Variants in EHD4 observed in about 807,000 individuals in gnomAD.
The protein encoded by EHD4 is EH domain containing 4, also known as EH domain-containing protein 4.
A neutral mutation model predicts 51.0 loss-of-function variants in EHD4; 37 were observed. The observed-to-expected ratio is 0.73, with a 90% CI of 0.56 to 0.95. EHD4 has a LOEUF of 0.95. Ranked by LOEUF, EHD4 falls within the 40% of genes least tolerant of loss-of-function variation. The pLI is 0.00. For missense variants in EHD4, 632 were observed against 733.1 expected (o/e 0.86, Z 1.59); for synonymous variants, 297 against 317.3 (o/e 0.94, Z 0.68).
intron 5 of EHD4, among the ~76,000 whole-genome samples, chr15:41,903,607 C>T (rs79095875): frequency 1.3e-4 from 20 of 152,182 alleles, no homozygotes; most frequent in African/African-American, 4.6e-4. Flanking sequence ...TAGAGCTGGG[C>T]CATTCTTAAT....
intron 1 of EHD4, among the ~76,000 whole-genome samples, chr15:41,961,711 T>C (rs930465056): frequency 1.4e-4 from 21 of 152,232 alleles, no homozygotes; most frequent in African/African-American, 4.1e-4. Flanking sequence ...AATTTCTTAA[T>C]GCAATTAATT....
chr15:41,914,439 G>GTGAGAGGCAGAGAAGGGCAGCTGACT, intron 4 of EHD4, among the ~76,000 whole-genome samples: 1 of 152,038 alleles, frequency 6.6e-6, no homozygotes, highest in Admixed American at 6.5e-5. Context: ...GTGTGAGACT[G>GTGAGAGGCAGAGAAGGGCAGCTGACT]TGAGAGGCAG....
intron 1 of EHD4, among the ~76,000 whole-genome samples, chr15:41,971,025 TACTTTCTTCAC>T (rs1258255197): frequency 6.6e-6 from 1 of 152,228 alleles, no homozygotes; most frequent in African/African-American, 2.4e-5. Flanking sequence ...ATTTTGAAAT[TACTTTCTTCAC>T]ACTCAATTTA....
rs748481753 is a variant in EHD4, at chr15:41,953,778, G to A, written c.399C>T (p.Asn133=). The A allele has an allele frequency of 1.2e-5, 20 of 1,607,470 alleles. No individual in the cohort carries two copies. Among genetic ancestry groups the A allele is most frequent in the Middle Eastern group, 1.6e-4 (1 of 6,068 alleles). The part of the protein sequence containing the change: ...KPFRKLSRFG[N]AFLNRFMCSQ... Reference sequence around the variant, plus strand: ...CTGGTCCTTACCGATTCAGGAAAGCGTTTCCAAAGCGACTGAGCTTTCTAA... The same window carrying A: ...CTGGTCCTTACCGATTCAGGAAAGCATTTCCAAAGCGACTGAGCTTTCTAA... The change falls in exon 2 of 6, where the codon AAC becomes AAT. Residue 133 remains asparagine, a synonymous_variant. Coordinates refer to ENST00000220325, the MANE Select transcript of EHD4 (RefSeq NM_139265.4).
intron 1 of EHD4, among the ~76,000 whole-genome samples, chr15:41,969,336 C>A (rs557040521): frequency 6.6e-6 from 1 of 152,172 alleles, no homozygotes; most frequent in Non-Finnish European, 1.5e-5. Flanking sequence ...CACCTGAGGT[C>A]GGGAGTTTGA....
At chr15:41,958,630 C>T (rs1037721701) in intron 1 of EHD4, among the ~76,000 whole-genome samples, 5 of 152,074 alleles carry the variant, frequency 3.3e-5, no homozygotes, top group Non-Finnish European at 7.4e-5. Flanking sequence ...TGTCCAAGCA[C>T]CATCTTCTCA....
intron 2 of EHD4, among the ~76,000 whole-genome samples, chr15:41,948,788 G>A (rs1285949645): frequency 6.6e-6 from 1 of 152,034 alleles, no homozygotes; most frequent in Non-Finnish European, 1.5e-5. Flanking sequence ...CAGCACTCTG[G>A]GAGGCCAAGG....
At position 41,953,909 on chromosome 15, in the gene EHD4, T is replaced by C; in HGVS notation, c.268A>G (p.Arg90Gly). ...YLLEQDFPGM[R>G]IGPEPTTDSF... is the part of the protein sequence containing the mutation. ...TCTGTGGTGGGCTCCGGACCAATCC[T>C]CATGCCTGGGAAATCCTGCTCCAGT... Residue 90 changes from arginine (R) to glycine (G), a missense_variant, in exon 2 of 6, where the codon AGG (arginine) becomes GGG (glycine). By Grantham distance (125) the Arg-to-Gly change is moderately radical (BLOSUM62 -2). Coordinates refer to ENST00000220325, the MANE Select transcript of EHD4 (RefSeq NM_139265.4). 1 of 1,612,944 alleles carries C rather than the reference T, an allele frequency of 6.2e-7. No homozygotes were observed. The highest frequency in any genetic ancestry group is 8.5e-7 in the Non-Finnish European group (1 of 1,179,680).
At chr15:41,939,959 T>C (rs952201141) in intron 3 of EHD4, among the ~76,000 whole-genome samples, 3 of 152,058 alleles carry the variant, frequency 2.0e-5, no homozygotes, top group South Asian at 2.1e-4. Flanking sequence ...TTAGATGACG[T>C]TTACTCCCCT....
At chr15:41,963,101 CCTT>C (rs1416714620) in intron 1 of EHD4, among the ~76,000 whole-genome samples, 1 of 152,116 alleles carries the variant, frequency 6.6e-6, no homozygotes, top group Non-Finnish European at 1.5e-5. Flanking sequence ...GCAGCATACT[CCTT>C]AAGAGTCATC....
rs533151785 is a variant in EHD4 at position 41,909,921 on chromosome 15, C to T, written c.925-58G>A. ...ATTTAGAATTGCATCAGAGAAGGAACAAACAAGATTGCATCTTAACTCCAT... is the reference window on the plus strand; with the variant it reads ...ATTTAGAATTGCATCAGAGAAGGAATAAACAAGATTGCATCTTAACTCCAT... On this transcript the variant is annotated intron_variant, in intron 4 of 5. Transcript: ENST00000220325. 34 of 1,599,016 alleles carry T rather than the reference C, an allele frequency of 2.1e-5. No individual in the cohort carries two copies. In the South Asian group the frequency reaches 3.0e-4, roughly 14 times the overall value.
intron 1 of EHD4, among the ~76,000 whole-genome samples, chr15:41,958,117 AACAAGAGG>A (rs2067899469): frequency 6.9e-6 from 1 of 144,230 alleles, no homozygotes; most frequent in Non-Finnish European, 1.6e-5. Flanking sequence ...AATTCAAAGG[AACAAGAGG>A]ACACAGGAAG....
At chr15:41,951,176 T>C (rs931940248) in intron 2 of EHD4, among the ~76,000 whole-genome samples, 1 of 152,178 alleles carries the variant, frequency 6.6e-6, no homozygotes. Context: ...TATGCCTTGA[T>C]TCCTCCCCCT....
At chr15:41,905,835 T>A (rs929229407) in intron 5 of EHD4, among the ~76,000 whole-genome samples, 13 of 152,200 alleles carry the variant, frequency 8.5e-5, no homozygotes, top group African/African-American at 3.1e-4. Flanking sequence ...CACACCTGGC[T>A]AATTTTAAAA....
At chr15:41,949,478 C>T (rs1207524092) in intron 2 of EHD4, among the ~76,000 whole-genome samples, 1 of 152,106 alleles carries the variant, frequency 6.6e-6, no homozygotes, top group East Asian at 1.9e-4. Flanking sequence ...GTCAATAATA[C>T]ACCTGCGTAT....
chr15:41,927,334 A>G lies in EHD4; in HGVS notation c.512-7712T>C, dbSNP rs142183268. Among the ~76,000 whole-genome samples the G allele has an allele frequency of 5.7e-3, 866 of 152,354 alleles. 4 individuals are homozygous for G. Among genetic ancestry groups the G allele is most frequent in the Non-Finnish European group, 8.7e-3 (595 of 68,020 alleles). On this transcript the variant is annotated intron_variant, in intron 3 of 5. Coordinates refer to ENST00000220325, the MANE Select transcript of EHD4 (RefSeq NM_139265.4). Reference sequence around the variant, plus strand: ...AAAAGAACTGAAATCAGGACTTTGAAGAGATATCTGCACACCCATGTTCAC... The same window carrying G: ...AAAAGAACTGAAATCAGGACTTTGAGGAGATATCTGCACACCCATGTTCAC...
At chr15:41,922,285 A>G (rs1055116189) in intron 3 of EHD4, among the ~76,000 whole-genome samples, 4 of 152,154 alleles carry the variant, frequency 2.6e-5, no homozygotes, top group Admixed American at 2.6e-4. Context: ...GCTACTTGGG[A>G]GGCTGAGGCA....
chr15:41,937,465 T>G (rs1207990051), intron 3 of EHD4, among the ~76,000 whole-genome samples: 2 of 152,206 alleles, frequency 1.3e-5, no homozygotes, highest in East Asian at 3.9e-4. Flanking sequence ...CTTGGCTGGC[T>G]AGAGAGCTCA....
chr15:41,911,904 C>T (rs931495304), intron 4 of EHD4, among the ~76,000 whole-genome samples: 1 of 152,202 alleles, frequency 6.6e-6, no homozygotes, highest in Non-Finnish European at 1.5e-5. Flanking sequence ...TTAGTTCCCG[C>T]TCATCTGGCT....
Sources: gnomAD v4.1 joint callset for allele counts (sites outside exome capture counted in the v4.1 genomes callset) on GRCh38, gnomAD v4.1.1 for gene constraint, MANE v1.5 for transcripts, NCBI Gene and HGNC (gene_info 2026-07-23, HGNC 2026-07-21) for gene names.